The following LAMB4 variants were observed in gnomAD, a reference collection of about 807,000 sequenced individuals.
LAMB4 encodes laminin subunit beta-4.
A neutral mutation model predicts 199.2 loss-of-function variants in LAMB4; 196 were observed. The ratio of observed to expected loss-of-function variants is 0.98; its 90% CI spans 0.88 to 1.11. The LOEUF (loss-of-function observed/expected upper bound fraction) is 1.11, where lower values mean the gene tolerates loss of function less well. Among genes scored for constraint, LAMB4 ranks in the 50% least tolerant of loss-of-function variants. LAMB4 has a pLI of 0.00. For synonymous variants in LAMB4, 744 were observed against 770.6 expected, an observed-to-expected ratio of 0.97 and a Z score of 0.57; for missense variants, 2,080 against 2,171.2, an observed-to-expected ratio of 0.96 and a Z score of 0.83.
Position 108,056,023 on chromosome 7 carries a change from G to C in LAMB4, c.3380-16C>G, listed in dbSNP as rs765119382. 2 of 1,591,358 alleles carry C rather than the reference G, an allele frequency of 1.3e-6. No individual in the cohort carries two copies. On this transcript the variant is annotated splice_polypyrimidine_tract_variant and intron_variant, in intron 24 of 33. Coordinates refer to ENST00000388781, the MANE Select transcript of LAMB4 (RefSeq NM_007356.3). Reference sequence around the variant, plus strand: ...CAATCACATGCTAAAAAGGAAAACAGAAGGAGCAGAGAATGTCACTGGGCC... The same window carrying C: ...CAATCACATGCTAAAAAGGAAAACACAAGGAGCAGAGAATGTCACTGGGCC...
chr7:108,096,763 C>T (rs1438704136), intron 11 of LAMB4, among the ~76,000 whole-genome samples: 17 of 137,060 alleles, frequency 1.2e-4, no homozygotes, highest in African/African-American at 4.7e-4. Context: ...GAGACTCCGT[C>T]TCTCAAAAAA....
intron 2 of LAMB4, among the ~76,000 whole-genome samples, chr7:108,121,161 G>A (rs957277906): frequency 7.2e-5 from 11 of 152,122 alleles, no homozygotes; most frequent in South Asian, 2.1e-4. Context: ...AAAAGATGAC[G>A]CAACCTGAAG....
intron 31 of LAMB4, among the ~76,000 whole-genome samples, chr7:108,032,095 A>C (rs373835166): frequency 2.0e-5 from 3 of 152,162 alleles, no homozygotes; most frequent in Non-Finnish European, 4.4e-5. Context: ...ACTCTTGTTT[A>C]AAGGCAATTT....
intron 9 of LAMB4, among the ~76,000 whole-genome samples, chr7:108,103,724 A>T (rs2037898564): frequency 6.6e-6 from 1 of 152,244 alleles, no homozygotes; most frequent in African/African-American, 2.4e-5. Flanking sequence ...AGGCTAGGCC[A>T]GTGGCCTGGA....
chr7:108,091,837 T>C lies in LAMB4; in HGVS notation c.1551-61A>G, dbSNP rs2037417435. 4.1e-5 allele frequency: 64 copies of C among 1,549,824 alleles called. 1 individual carries two copies. The South Asian group carries it at 6.6e-4, about 16-fold the overall frequency. On this transcript the variant is annotated intron_variant, in intron 13 of 33. Coordinates refer to ENST00000388781, the MANE Select transcript of LAMB4 (RefSeq NM_007356.3). ...AGTAGGTGAGCGGAAAATGAAGGTG[T>C]AGGGGTGCTGGGCTAATGCTCCCTG...
chr7:108,048,040 C>G lies in LAMB4; in HGVS notation c.4194G>C (p.Lys1398Asn). The G allele has an allele frequency of 1.2e-6, 2 of 1,614,244 alleles. No individual in the cohort carries two copies. The highest frequency in any genetic ancestry group is 1.7e-6 in the Non-Finnish European group (2 of 1,180,048). ...PCGGALCTGR[K>N]GHRKCRGPGC... ...CGGGACCCCTACACTTCCTGTGCCC[C>G]TTCCGGCCCGTGCAGAGAGCACCGC... is the stretch of plus-strand genomic sequence containing the variant. The change falls in exon 28 of 34, where the codon AAG (lysine) becomes AAC (asparagine). Residue 1398 changes from lysine (K) to asparagine (N), a missense_variant. By Grantham distance (94) the Lys-to-Asn change is moderately conservative (BLOSUM62 0). Coordinates refer to ENST00000388781, the MANE Select transcript of LAMB4 (RefSeq NM_007356.3).
At position 108,034,338 on chromosome 7, in the gene LAMB4, G is replaced by A. The variant is rs1377594512; in HGVS notation, c.4688C>T (p.Ala1563Val). 1.9e-6 allele frequency: 3 copies of A among 1,607,056 alleles called. No homozygotes were observed. Among genetic ancestry groups the A allele is most frequent in the East Asian group, 2.2e-5 (1 of 44,824 alleles). ...TTTGTCAAGATTTAATAGAATATTT[G>A]CTGCTTTCCTAAGGTAAGATATTAA... ...LVKAKAAEKA[A>V]NILLNLDKTL... is the part of the protein sequence containing the mutation. Residue 1563 changes from alanine to valine, a missense_variant, in exon 31 of 34, where the codon GCA becomes GTA. Coordinates refer to ENST00000388781, the MANE Select transcript of LAMB4 (RefSeq NM_007356.3).
chr7:108,095,111 T>G (rs1584740526), intron 12 of LAMB4, 117 bp downstream of exon 12: 1 of 694,240 alleles, frequency 1.4e-6, no homozygotes, highest in Non-Finnish European at 2.5e-6. Context: ...CTCATACCAC[T>G]GGAGTATTAA....
chr7:108,039,749 G>A (rs563046234), intron 29 of LAMB4, among the ~76,000 whole-genome samples: 15 of 152,264 alleles, frequency 9.9e-5, no homozygotes, highest in East Asian at 3.9e-4. Flanking sequence ...GATTACAGGC[G>A]TGAGCCTCCA....
At chr7:108,086,979 C>T (rs563930160) in intron 14 of LAMB4, among the ~76,000 whole-genome samples, 2 of 152,242 alleles carry the variant, frequency 1.3e-5, no homozygotes, top group African/African-American at 4.8e-5. Flanking sequence ...TCTCCTCTTT[C>T]AGGTGGACTT....
At chr7:108,056,363 G>A (rs1263850930) in intron 24 of LAMB4, among the ~76,000 whole-genome samples, 1 of 152,190 alleles carries the variant, frequency 6.6e-6, no homozygotes, top group Non-Finnish European at 1.5e-5. Context: ...GGTGGTTCAG[G>A]TGTGTCGAGA....
In LAMB4 at chr7:108,048,110, A is replaced by T. The variant is rs762889945; in HGVS notation, c.4124T>A (p.Val1375Glu). ...TGGCACATTTCCTGGATCTCCGCAC[A>T]CCTTGCAAGAGAAATGATTTACGTT... is the stretch of plus-strand genomic sequence containing the variant. ...IPDIQILNEK[V>E]CGDPGNVPCV... is the part of the protein sequence containing the mutation. Residue 1375 changes from valine to glutamate, a missense_variant and splice_region_variant, in exon 28 of 34, where the codon GTG (valine) becomes GAG (glutamate). Transcript: ENST00000388781. The T allele has an allele frequency of 1.3e-6, 2 of 1,594,520 alleles. No individual in the cohort carries two copies. The highest frequency in any genetic ancestry group is 2.2e-5 in the South Asian group (2 of 89,860).
intron 26 of LAMB4, among the ~76,000 whole-genome samples, chr7:108,050,335 T>C (rs2150524494): frequency 6.6e-6 from 1 of 152,344 alleles, no homozygotes; most frequent in South Asian, 2.1e-4. Context: ...AGTATGATCA[T>C]ATTCATTTTC....
rs192092076 is a variant in LAMB4 at position 108,027,402 on chromosome 7, A to G, written c.5146+1641T>C. ...AAGCAGTGGTTTCTTCTTCACTCCCACTGCCTCCCTAGAGATAACTAATGT... is the reference window on the plus strand; with the variant it reads ...AAGCAGTGGTTTCTTCTTCACTCCCGCTGCCTCCCTAGAGATAACTAATGT... On this transcript the variant is annotated intron_variant, in intron 33 of 33. Coordinates refer to ENST00000388781, the MANE Select transcript of LAMB4 (RefSeq NM_007356.3). Among the ~76,000 whole-genome samples, 3 of 152,272 alleles carry G rather than the reference A, an allele frequency of 2.0e-5. No homozygotes were observed. The East Asian group carries it at 5.8e-4, about 29-fold the overall frequency.
chr7:108,064,559 C>A (rs758289220), intron 21 of LAMB4, among the ~76,000 whole-genome samples: 2 of 152,184 alleles, frequency 1.3e-5, no homozygotes, highest in Admixed American at 6.5e-5. Flanking sequence ...GAGATGACTG[C>A]GGCTTTTTAG....
rs1462016656 is a variant in LAMB4, at chr7:108,055,781, G to A, written c.3606C>T (p.Asn1202=). ...GCAGGGTCTCTCTTTTATCTTCCAT[G>A]TTAGCAGCCAGTCTCATTAACCCTT... The part of the protein sequence containing the change: ...AVQGLMRLAA[N]MEDKRETLPV... Residue 1202 remains asparagine, a synonymous_variant, in exon 25 of 34, where the codon AAC becomes AAT. Coordinates refer to ENST00000388781, the MANE Select transcript of LAMB4 (RefSeq NM_007356.3). The A allele has an allele frequency of 6.2e-7, 1 of 1,614,176 alleles. No homozygotes were observed. The highest frequency in any genetic ancestry group is 1.7e-5 in the Admixed American group (1 of 60,016).
intron 14 of LAMB4, among the ~76,000 whole-genome samples, chr7:108,080,637 C>T (rs938942249): frequency 1.3e-5 from 2 of 152,090 alleles, no homozygotes; most frequent in African/African-American, 2.4e-5. Flanking sequence ...TGTTTAGTAA[C>T]AATTATGTGC....
chr7:108,082,953 T>C (rs1421698414), intron 14 of LAMB4, among the ~76,000 whole-genome samples: 1 of 152,238 alleles, frequency 6.6e-6, no homozygotes. Context: ...AACCGTGGTA[T>C]AGTCCCACTT....
rs767380446 is a variant in LAMB4 at position 108,111,945 on chromosome 7, C to T, written c.194G>A (p.Gly65Glu). The T allele has an allele frequency of 3.2e-6, 5 of 1,585,906 alleles. No individual in the cohort carries two copies. In the Admixed American group the frequency reaches 9.5e-5, roughly 30 times the overall value. Residue 65 changes from glycine (G) to glutamate (E), a missense_variant and splice_region_variant, in exon 4 of 34, where the codon GGG becomes GAG. Gly to Glu is a moderately conservative substitution (Grantham distance 98). Coordinates refer to ENST00000388781, the MANE Select transcript of LAMB4 (RefSeq NM_007356.3). ...QKYCILSYLE[G>E]EQKCFICDSR... ...GTCACAGATGAAGCATTTTTGTTCC[C>T]CCTGGAAAACACCATTATTAAAATT...
Sources: gnomAD v4.1 joint callset for allele counts (sites outside exome capture counted in the v4.1 genomes callset) on GRCh38, gnomAD v4.1.1 for gene constraint, MANE v1.5 for transcripts, NCBI Gene and HGNC (gene_info 2026-07-23, HGNC 2026-07-21) for gene names.